Variants in PATJ observed in about 807,000 individuals in gnomAD.
The protein encoded by PATJ is inaD-like protein.
Under a neutral mutation model 224.9 loss-of-function variants are expected in PATJ, and 190 were observed. The ratio of observed to expected loss-of-function variants is 0.84; its 90% CI spans 0.75 to 0.95. The LOEUF (loss-of-function observed/expected upper bound fraction) is 0.95. PATJ is among the 40% of genes least tolerant of loss of function. PATJ has a pLI of 0.00. For missense variants in PATJ, 2,121 were observed against 2,270.3 expected, an observed-to-expected ratio of 0.93 and a Z score of 1.34; for synonymous variants, 769 against 820.3, an observed-to-expected ratio of 0.94 and a Z score of 1.07.
chr1:61,875,209 G>A (rs1557801174), intron 20 of PATJ, 34 bp from the exon 21 acceptor site: 1 of 1,434,526 alleles, frequency 7.0e-7, no homozygotes, highest in Non-Finnish European at 9.7e-7. Context: ...TTTTCATAAA[G>A]TACTAATGCA....
chr1:62,128,000 T>C lies in PATJ; in HGVS notation c.5072T>C (p.Ile1691Thr), dbSNP rs547186640. Residue 1691 changes from isoleucine (I) to threonine (T), a missense_variant, in exon 40 of 44, where the codon ATT (isoleucine) becomes ACT (threonine). By Grantham distance (89) the Ile-to-Thr change is moderately conservative (BLOSUM62 -1). Coordinates refer to ENST00000642238, the MANE Select transcript of PATJ (RefSeq NM_001350145.3). ...RELSDALGIS[I>T]AGGRGSPLGD... Reference sequence around the variant, plus strand: ...CTCAGTGATGCCCTTGGAATCAGTATTGCTGGAGGAAGAGGAAGTCCCTTA... The same window carrying C: ...CTCAGTGATGCCCTTGGAATCAGTACTGCTGGAGGAAGAGGAAGTCCCTTA... 32 of 1,614,084 alleles carry C rather than the reference T, an allele frequency of 2.0e-5. No homozygotes were observed. The highest frequency in any genetic ancestry group is 6.7e-5 in the Admixed American group (4 of 60,012).
At chr1:61,858,304 C>T (rs1664018394) in intron 18 of PATJ, among the ~76,000 whole-genome samples, 1 of 152,132 alleles carries the variant, frequency 6.6e-6, no homozygotes, top group Admixed American at 6.6e-5. Flanking sequence ...ACTCCGTCAT[C>T]CAAGCTGGAC....
chr1:62,025,243 T>C (rs967094429), intron 29 of PATJ, among the ~76,000 whole-genome samples: 1 of 152,202 alleles, frequency 6.6e-6, no homozygotes, highest in Non-Finnish European at 1.5e-5. Flanking sequence ...TTCAAACGAC[T>C]TTAGCAGAGT....
chr1:61,982,309 C>T (rs997773419), intron 27 of PATJ, among the ~76,000 whole-genome samples: 1 of 151,990 alleles, frequency 6.6e-6, no homozygotes, highest in Non-Finnish European at 1.5e-5. Context: ...GACAAATAAT[C>T]TAAGGAGATA....
rs141186053 is a variant in PATJ at position 61,805,554 on chromosome 1, T to G, written c.1626+30T>G. 1.2e-4 allele frequency: 152 copies of G among 1,279,740 alleles called. 1 individual carries two copies. The African/African-American group carries it at 2.1e-3, about 18-fold the overall frequency. 79.3% of individuals were successfully genotyped at this position (1,279,740 alleles called of 1,614,324 possible). A position where few individuals can be genotyped will look rare whatever the true frequency, so the allele number is the denominator to read the frequency against. On this transcript the variant is annotated intron_variant, in intron 13 of 43. Coordinates refer to ENST00000642238, the MANE Select transcript of PATJ (RefSeq NM_001350145.3). ...GTTAAAATGCTCTAATAAAAAACAT[T>G]CATGTCTCATTTCACATCAAGTTTC...
chr1:62,021,354 T>A (rs1647069547), intron 29 of PATJ, among the ~76,000 whole-genome samples: 2 of 152,158 alleles, frequency 1.3e-5, no homozygotes, highest in Admixed American at 6.5e-5. Flanking sequence ...TATTAATACC[T>A]TCATGTTGGT....
chr1:61,920,046 C>A (rs1256608472), intron 26 of PATJ, among the ~76,000 whole-genome samples: 1 of 152,010 alleles, frequency 6.6e-6, no homozygotes, highest in South Asian at 2.1e-4. Context: ...TTAGCATAAC[C>A]TAATGATTGC....
intron 42 of PATJ, among the ~76,000 whole-genome samples, chr1:62,151,579 A>G (rs979995903): frequency 1.3e-5 from 2 of 152,168 alleles, no homozygotes; most frequent in African/African-American, 4.8e-5. Flanking sequence ...TGACAGAGCG[A>G]GACTCCGTCT....
At chr1:61,751,701 C>T (rs1280418408) in intron 1 of PATJ, among the ~76,000 whole-genome samples, 1 of 151,916 alleles carries the variant, frequency 6.6e-6, no homozygotes, top group Non-Finnish European at 1.5e-5. Context: ...TGGTGCATAC[C>T]TGTAGTCTCA....
At chr1:61,913,822 G>A (rs1425515125) in intron 25 of PATJ, among the ~76,000 whole-genome samples, 1 of 152,208 alleles carries the variant, frequency 6.6e-6, no homozygotes, top group East Asian at 1.9e-4. Context: ...GTACAATGAT[G>A]AATAAGGTAA....
chr1:61,828,332 A>G (rs34978776), intron 16 of PATJ, among the ~76,000 whole-genome samples: 15,226 of 151,944 alleles, frequency 0.1, 894 homozygotes, highest in South Asian at 0.21. Flanking sequence ...AGAATGAAAT[A>G]ACACTTTATA....
In PATJ at chr1:61,766,461, A is replaced by G. The variant is rs1646278539; in HGVS notation, c.372A>G (p.Gln124=). The change falls in exon 4 of 44, where the codon CAA becomes CAG. Residue 124 remains glutamine, a synonymous_variant. Coordinates refer to ENST00000642238, the MANE Select transcript of PATJ (RefSeq NM_001350145.3). ...ATGAAGACTTTAACTCAGTCATTCAACAGATGGCTCAGGTAAAGTTGTATC... is the reference window on the plus strand; with the variant it reads ...ATGAAGACTTTAACTCAGTCATTCAGCAGATGGCTCAGGTAAAGTTGTATC... ...LGNEDFNSVI[Q]QMAQGRQIEY... is the part of the protein sequence containing the mutation. 2.5e-6 allele frequency: 4 copies of G among 1,593,814 alleles called. No individual in the cohort carries two copies. The highest frequency in any genetic ancestry group is 3.4e-6 in the Non-Finnish European group (4 of 1,173,636).
chr1:61,774,144 A>C, intron 6 of PATJ, among the ~76,000 whole-genome samples: 1 of 129,496 alleles, frequency 7.7e-6, no homozygotes, highest in East Asian at 2.3e-4. Context: ...AAAAAAAATT[A>C]GCTGGGCGTG....
chr1:62,151,379 G>A (rs1176785786), intron 42 of PATJ, among the ~76,000 whole-genome samples: 1 of 151,794 alleles, frequency 6.6e-6, no homozygotes, highest in Admixed American at 6.6e-5. Context: ...ATGAGGTCAG[G>A]AGATCGAGAC....
intron 20 of PATJ, among the ~76,000 whole-genome samples, chr1:61,866,940 C>T (rs937435268): frequency 6.6e-6 from 1 of 152,146 alleles, no homozygotes; most frequent in African/African-American, 2.4e-5. Flanking sequence ...GGGTAACTTC[C>T]TGATGTTACT....
intron 22 of PATJ, among the ~76,000 whole-genome samples, chr1:61,892,025 G>A (rs1327709477): frequency 8.5e-5 from 13 of 152,120 alleles, no homozygotes; most frequent in Non-Finnish European, 1.5e-5. Context: ...TCAAGACAAT[G>A]TCTGAATGTT....
At chr1:61,960,080 G>A (rs753964222) in intron 27 of PATJ, among the ~76,000 whole-genome samples, 1 of 152,008 alleles carries the variant, frequency 6.6e-6, no homozygotes, top group Non-Finnish European at 1.5e-5. Flanking sequence ...TATCAATATT[G>A]GGTATTCTAA....
chr1:61,777,015 G>C (rs560231048), intron 7 of PATJ, among the ~76,000 whole-genome samples: 4 of 152,042 alleles, frequency 2.6e-5, no homozygotes, highest in African/African-American at 7.2e-5. Context: ...GTGAGCCACC[G>C]CACCCAGCCA....
At chr1:61,991,294 G>A (rs1645049957) in intron 28 of PATJ, among the ~76,000 whole-genome samples, 1 of 152,170 alleles carries the variant, frequency 6.6e-6, no homozygotes, top group Non-Finnish European at 1.5e-5. Flanking sequence ...GTAAATGATG[G>A]TGTTAGGATT....
Sources: allele counts gnomAD v4.1 joint callset (sites outside exome capture counted in the v4.1 genomes callset), GRCh38; gene constraint gnomAD v4.1.1; transcripts MANE v1.5; gene names NCBI Gene and HGNC (gene_info 2026-07-23, HGNC 2026-07-21).